Variants in MDN1 observed in about 807,000 individuals in gnomAD.
The protein encoded by MDN1 is midasin AAA ATPase 1.
A neutral mutation model predicts 669.2 loss-of-function variants in MDN1; 266 were observed. That is an observed-to-expected ratio of 0.40 (90% confidence interval 0.36 to 0.44). The LOEUF (loss-of-function observed/expected upper bound fraction) is 0.44. Among genes scored for constraint, MDN1 ranks in the 20% least tolerant of loss-of-function variants. The pLI is 1.00. For missense variants in MDN1, 5,940 were observed against 6,754.0 expected (o/e 0.88, Z 4.22); for synonymous variants, 2,385 against 2,457.1 (o/e 0.97, Z 0.87).
Position 89,700,216 on chromosome 6 carries a change from T to A in MDN1, c.8717A>T (p.Lys2906Met). 1 of 1,614,140 alleles carries A rather than the reference T, an allele frequency of 6.2e-7. No individual in the cohort carries two copies. The highest frequency in any genetic ancestry group is 1.1e-5 in the South Asian group (1 of 91,074). Reference protein sequence around the residue: ...KGLSLGFLEKKHDEASSLSHP... With the variant: ...KGLSLGFLEKMHDEASSLSHP... ...GGACAGGGAGGAAGCTTCATCATGC[T>A]TTTTCTCCAGAAAACCAAGTGAGAG... The change falls in exon 57 of 102, where the codon AAG (lysine) becomes ATG (methionine). Residue 2906 changes from lysine to methionine, a missense_variant. Lys to Met is a moderately conservative substitution (Grantham distance 95). Coordinates refer to ENST00000369393, the MANE Select transcript of MDN1 (RefSeq NM_014611.3).
chr6:89,661,291 C>A, intron 88 of MDN1, 140 bp downstream of exon 88: 1 of 936,524 alleles, frequency 1.1e-6, no homozygotes, highest in Non-Finnish European at 1.6e-6. Flanking sequence ...GAAAGGCAAA[C>A]CATTTTCTCA....
rs921526877 is a variant in MDN1, at chr6:89,722,874, C to T, written c.5967+81G>A. 15 of 1,118,220 alleles carry T rather than the reference C, an allele frequency of 1.3e-5. No homozygotes were observed. In the Admixed American group the frequency reaches 3.0e-4, roughly 23 times the overall value. 69.3% of individuals were successfully genotyped at this position (1,118,220 alleles called of 1,614,324 possible). On this transcript the variant is annotated intron_variant, in intron 40 of 101. Coordinates refer to ENST00000369393, the MANE Select transcript of MDN1 (RefSeq NM_014611.3). ...AAAAAAAAAAAAAAAAAAAGGCTTGCAATTAGTGTATGTCCTTTCTCACCC... is the reference window on the plus strand; with the variant it reads ...AAAAAAAAAAAAAAAAAAAGGCTTGTAATTAGTGTATGTCCTTTCTCACCC...
intron 49 of MDN1, among the ~76,000 whole-genome samples, chr6:89,711,310 C>T (rs1350930883): frequency 2.0e-5 from 3 of 151,906 alleles, no homozygotes; most frequent in Non-Finnish European, 2.9e-5. Flanking sequence ...TGGAATTCAA[C>T]CAACTACAGA....
At chr6:89,784,477 G>A (rs1818851773) in intron 9 of MDN1, among the ~76,000 whole-genome samples, 1 of 152,100 alleles carries the variant, frequency 6.6e-6, no homozygotes, top group African/African-American at 2.4e-5. Flanking sequence ...CTGGGGAAGG[G>A]AAATCTTCCA....
rs757877436 is a variant in MDN1, at chr6:89,774,663, A to C, written c.1892T>G (p.Val631Gly). Reference sequence around the variant, plus strand: ...CTCACTTTGTTTCCGTAGAAGCCGCACTCGACCCACTTGCAAATCTAGCTC... The same window carrying C: ...CTCACTTTGTTTCCGTAGAAGCCGCCCTCGACCCACTTGCAAATCTAGCTC... Reference protein sequence around the residue: ...INELDLQVGRVRLLRKQSEAV... With the variant: ...INELDLQVGRGRLLRKQSEAV... The change falls in exon 13 of 102, where the codon GTG (valine) becomes GGG (glycine). Residue 631 changes from valine (V) to glycine (G), a missense_variant. This residue lies in a region of MDN1 where 1,203 missense variants were observed against 1,268.9 expected (regional missense o/e 0.95). Transcript: ENST00000369393. The C allele has an allele frequency of 2.2e-5, 35 of 1,613,552 alleles. No homozygotes were observed. The highest frequency in any genetic ancestry group is 1.6e-4 in the Middle Eastern group (1 of 6,078).
At chr6:89,816,170 C>T (rs987803307) in intron 1 of MDN1, among the ~76,000 whole-genome samples, 31 of 152,054 alleles carry the variant, frequency 2.0e-4, no homozygotes, top group African/African-American at 6.8e-4. Context: ...GAGGCCGACG[C>T]GGGTGGATCA....
intron 5 of MDN1, among the ~76,000 whole-genome samples, chr6:89,792,503 T>C (rs1819321410): frequency 1.3e-5 from 2 of 151,942 alleles, no homozygotes; most frequent in South Asian, 4.2e-4. Flanking sequence ...GGTTACAGGA[T>C]ACGTGGGGGG....
chr6:89,710,739 T>G lies in MDN1; in HGVS notation c.7707A>C (p.Ser2569=). ...TACTGACTGCACCTGAGAGGGAATG[T>G]GAGTAAAAATTCCTGAGAGATGCAG... ...ASAASLRNFY[S]HSLSGAVSNV... Residue 2569 remains serine (S), a synonymous_variant, in exon 50 of 102, where the codon TCA becomes TCC. Transcript: ENST00000369393. 6.2e-7 allele frequency: 1 copy of G among 1,602,368 alleles called. No homozygotes were observed. The highest frequency in any genetic ancestry group is 8.5e-7 in the Non-Finnish European group (1 of 1,175,824).
chr6:89,681,898 T>C (rs1365167488), intron 73 of MDN1, among the ~76,000 whole-genome samples: 2 of 152,130 alleles, frequency 1.3e-5, no homozygotes, highest in Non-Finnish European at 2.9e-5. Context: ...GTGATCCTCC[T>C]GCCTCAGCCT....
chr6:89,744,223 G>A (rs1816465071), intron 29 of MDN1, among the ~76,000 whole-genome samples: 2 of 147,774 alleles, frequency 1.4e-5, no homozygotes, highest in African/African-American at 5.0e-5. Context: ...CACACGTATA[G>A]AATGAATCTC....
At chr6:89,653,211 AG>A in intron 93 of MDN1, 56 bp from the exon 94 acceptor site, 1 of 1,517,004 alleles carries the variant, frequency 6.6e-7, no homozygotes, top group Non-Finnish European at 8.9e-7. Context: ...TGACTGACCA[AG>A]CCTTTGCTAT....
intron 5 of MDN1, among the ~76,000 whole-genome samples, chr6:89,790,927 G>C (rs1287469317): frequency 2.0e-5 from 3 of 152,154 alleles, no homozygotes; most frequent in Admixed American, 6.5e-5. Flanking sequence ...GGAAGCTAAG[G>C]CTGAAGAATC....
intron 15 of MDN1, among the ~76,000 whole-genome samples, chr6:89,768,837 C>G (rs1032635972): frequency 6.6e-6 from 1 of 152,132 alleles, no homozygotes; most frequent in African/African-American, 2.4e-5. Context: ...GGGAAGATTC[C>G]TTGAGTTCAG....
At chr6:89,682,811 G>A (rs1330168222) in intron 73 of MDN1, among the ~76,000 whole-genome samples, 1 of 148,698 alleles carries the variant, frequency 6.7e-6, no homozygotes, top group Non-Finnish European at 1.5e-5. Context: ...AGCCAGGCAT[G>A]GTGGCATGTG....
chr6:89,815,177 A>C (rs1768734231), intron 1 of MDN1: 1 of 383,012 alleles, frequency 2.6e-6, no homozygotes, highest in African/African-American at 2.1e-5. Flanking sequence ...GGACAGGCTC[A>C]CGTGCCTACC....
intron 73 of MDN1, among the ~76,000 whole-genome samples, chr6:89,682,163 A>C (rs1211696818): frequency 6.6e-6 from 1 of 152,266 alleles, no homozygotes; most frequent in Non-Finnish European, 1.5e-5. Context: ...ATCTGCTATA[A>C]ACCAGCACAT....
intron 92 of MDN1, among the ~76,000 whole-genome samples, chr6:89,655,033 G>A (rs1809159621): frequency 6.6e-6 from 1 of 152,054 alleles, no homozygotes; most frequent in South Asian, 2.1e-4. Flanking sequence ...GGAAGTTTAT[G>A]ATCACGCAGC....
At chr6:89,657,661 T>C (rs992036065) in intron 90 of MDN1, among the ~76,000 whole-genome samples, 2 of 152,208 alleles carry the variant, frequency 1.3e-5, no homozygotes, top group Non-Finnish European at 2.9e-5. Flanking sequence ...CTAACAACTT[T>C]TTCTTATTAT....
intron 24 of MDN1, among the ~76,000 whole-genome samples, 160 bp from the exon 25 acceptor site, chr6:89,749,911 A>G (rs1816859358): frequency 6.6e-6 from 1 of 152,240 alleles, no homozygotes; most frequent in Non-Finnish European, 1.5e-5. Flanking sequence ...ACTGCAGATC[A>G]AGGAGGAACA....
Sources: gnomAD v4.1 joint callset for allele counts (sites outside exome capture counted in the v4.1 genomes callset) on GRCh38, gnomAD v4.1.1 for gene constraint, gnomAD v4.1.1 regional missense constraint, MANE v1.5 for transcripts, NCBI Gene and HGNC (gene_info 2026-07-23, HGNC 2026-07-21) for gene names.